The following SLC9A9 variants were observed in gnomAD, a reference collection of about 807,000 sequenced individuals.
The protein encoded by SLC9A9 is solute carrier family 9 member A9.
In SLC9A9, 62 loss-of-function variants were observed where a neutral mutation model predicts 77.8. The ratio of observed to expected loss-of-function variants is 0.80; its 90% CI spans 0.65 to 0.98. The LOEUF is 0.98. Among genes scored for constraint, SLC9A9 ranks in the 50% least tolerant of loss-of-function variants. The probability of loss-of-function intolerance (pLI) is 0.00; values close to 1 mark genes in which losing one functional copy is unlikely to be tolerated. For missense variants in SLC9A9, 775 were observed against 774.9 expected (o/e 1.00, Z 0.00); for synonymous variants, 320 against 283.5 (o/e 1.13, Z -1.29).
At chr3:143,360,374 C>T (rs577526277) in intron 14 of SLC9A9, among the ~76,000 whole-genome samples, 8 of 152,322 alleles carry the variant, frequency 5.3e-5, no homozygotes, top group Non-Finnish European at 7.3e-5. Flanking sequence ...TTGCTGCCCA[C>T]GTTGAATCAT....
intron 4 of SLC9A9, among the ~76,000 whole-genome samples, chr3:143,762,285 A>G (rs1170199786): frequency 6.6e-6 from 1 of 152,216 alleles, no homozygotes; most frequent in Non-Finnish European, 1.5e-5. Context: ...GCACATGTAT[A>G]CATATGTAAC....
intron 12 of SLC9A9, among the ~76,000 whole-genome samples, chr3:143,407,284 G>T (rs1379674328): frequency 1.3e-5 from 2 of 152,128 alleles, no homozygotes; most frequent in Non-Finnish European, 2.9e-5. Context: ...TAGACAATAT[G>T]AGAAGACAAA....
At chr3:143,598,625 A>G (rs1417378562) in intron 6 of SLC9A9, among the ~76,000 whole-genome samples, 2 of 152,246 alleles carry the variant, frequency 1.3e-5, no homozygotes, top group Non-Finnish European at 2.9e-5. Flanking sequence ...ACCCCGGAAC[A>G]TTACAAGAAC....
intron 1 of SLC9A9, among the ~76,000 whole-genome samples, chr3:143,842,570 T>C (rs1465226240): frequency 6.6e-6 from 1 of 152,234 alleles, no homozygotes; most frequent in Non-Finnish European, 1.5e-5. Flanking sequence ...AAGTTTAGTA[T>C]GCTGGGCTCC....
intron 13 of SLC9A9, among the ~76,000 whole-genome samples, chr3:143,365,878 T>C (rs1199329717): frequency 6.6e-6 from 1 of 152,226 alleles, no homozygotes; most frequent in Non-Finnish European, 1.5e-5. Context: ...CTGCTCATGT[T>C]GAGCTAAACT....
intron 12 of SLC9A9, among the ~76,000 whole-genome samples, chr3:143,394,147 A>G (rs4311209): frequency 2.0e-5 from 3 of 152,084 alleles, no homozygotes; most frequent in African/African-American, 7.2e-5. Context: ...AGACACAACA[A>G]AAAAAAGAGA....
chr3:143,753,992 G>A (rs1370735500), intron 4 of SLC9A9, among the ~76,000 whole-genome samples: 1 of 132,204 alleles, frequency 7.6e-6, no homozygotes, highest in African/African-American at 2.6e-5. Context: ...AGCATGTCTG[G>A]ACATCTCAGG....
In SLC9A9 at chr3:143,628,175, AGGATGGAG is replaced by A. The variant is rs531966651; in HGVS notation, c.755+24072_755+24079del. On this transcript the variant is annotated intron_variant, in intron 6 of 15. Coordinates refer to ENST00000316549, the MANE Select transcript of SLC9A9 (RefSeq NM_173653.4). Reference sequence around the variant, plus strand: ...GTTTTCCTAAGGGACAGCTAGATGGAGGATGGAGGGATGGAGGGATAAAAGGAGAGAAA... The same window carrying A: ...GTTTTCCTAAGGGACAGCTAGATGGAGGATGGAGGGATAAAAGGAGAGAAA... 1.4e-4 allele frequency among the ~76,000 whole-genome samples: 21 copies of A among 152,290 alleles called. No individual in the cohort carries two copies. The East Asian group carries it at 3.5e-3, about 25-fold the overall frequency.
chr3:143,776,007 A>G (rs957337583), intron 4 of SLC9A9, among the ~76,000 whole-genome samples: 2 of 152,194 alleles, frequency 1.3e-5, no homozygotes, highest in Admixed American at 1.3e-4. Context: ...GTTCTGTGCT[A>G]TGAATCTGGC....
At chr3:143,659,917 T>A (rs771252769) in intron 5 of SLC9A9, among the ~76,000 whole-genome samples, 5 of 152,198 alleles carry the variant, frequency 3.3e-5, no homozygotes, top group Non-Finnish European at 5.9e-5. Flanking sequence ...CTTGTGATAG[T>A]GAGCAAGTCT....
intron 1 of SLC9A9, among the ~76,000 whole-genome samples, chr3:143,839,268 T>C (rs1449768841): frequency 1.3e-5 from 2 of 152,222 alleles, no homozygotes; most frequent in African/African-American, 4.8e-5. Flanking sequence ...AGTCCCAGAA[T>C]GATTTCAGAA....
At chr3:143,605,259 C>CATTTG (rs1338577779) in intron 6 of SLC9A9, among the ~76,000 whole-genome samples, 1 of 152,194 alleles carries the variant, frequency 6.6e-6, no homozygotes, top group African/African-American at 2.4e-5. Flanking sequence ...GCCCTTTACA[C>CATTTG]ATTTGGTAGG....
At chr3:143,517,006 T>C in intron 9 of SLC9A9, 1 of 687,700 alleles carries the variant, frequency 1.5e-6, no homozygotes, top group Non-Finnish European at 2.5e-6. Context: ...TAATAGTGAG[T>C]TTGAGCAATT....
intron 12 of SLC9A9, among the ~76,000 whole-genome samples, chr3:143,412,966 C>T (rs1393345313): frequency 6.6e-6 from 1 of 152,180 alleles, no homozygotes; most frequent in Non-Finnish European, 1.5e-5. Context: ...GGCCAGGAAG[C>T]TCTGGCTAAA....
intron 14 of SLC9A9, among the ~76,000 whole-genome samples, chr3:143,325,516 T>G (rs991607180): frequency 2.0e-5 from 3 of 152,246 alleles, no homozygotes; most frequent in African/African-American, 7.2e-5. Context: ...TGTCTCTGAC[T>G]GCATGCTTCC....
chr3:143,815,211 C>A (rs1269371700), intron 2 of SLC9A9, among the ~76,000 whole-genome samples: 4 of 152,158 alleles, frequency 2.6e-5, no homozygotes, highest in African/African-American at 9.7e-5. Context: ...ACATTCAAAT[C>A]TGTGGACTGG....
chr3:143,589,785 G>A (rs952447467), intron 6 of SLC9A9, among the ~76,000 whole-genome samples: 1 of 152,156 alleles, frequency 6.6e-6, no homozygotes, highest in African/African-American at 2.4e-5. Context: ...AGCATCATTA[G>A]ATTCAGATCT....
chr3:143,422,313 G>A (rs2034314259), intron 12 of SLC9A9, among the ~76,000 whole-genome samples: 2 of 152,170 alleles, frequency 1.3e-5, no homozygotes, highest in African/African-American at 4.8e-5. Flanking sequence ...GTTCATCGCA[G>A]CACTATTCAC....
At chr3:143,284,714 C>G (rs1416186191) in intron 14 of SLC9A9, among the ~76,000 whole-genome samples, 2 of 152,124 alleles carry the variant, frequency 1.3e-5, no homozygotes, top group East Asian at 3.8e-4. Context: ...AATAGTACCT[C>G]AGTGTCTAAA....
Sources: allele counts gnomAD v4.1 joint callset (sites outside exome capture counted in the v4.1 genomes callset), GRCh38; gene constraint gnomAD v4.1.1; transcripts MANE v1.5; gene names NCBI Gene and HGNC (gene_info 2026-07-23, HGNC 2026-07-21).